ZNF649: variants seen among roughly 807,000 people sequenced by gnomAD.
ZNF649 encodes the protein zinc finger protein 649.
ZNF649 carries 7 observed loss-of-function variants against 14.1 expected under a neutral mutation model. The observed-to-expected ratio is 0.49, with a 90% CI of 0.28 to 0.93. The LOEUF (loss-of-function observed/expected upper bound fraction) is 0.93. Among genes scored for constraint, ZNF649 ranks in the 40% least tolerant of loss-of-function variants. The probability of loss-of-function intolerance (pLI) is 0.10; values close to 1 mark genes in which losing one functional copy is unlikely to be tolerated. For synonymous variants in ZNF649, 227 were observed against 212.3 expected (o/e 1.07, Z -0.60); for missense variants, 544 against 608.1 (o/e 0.89, Z 1.11).
chr19:51,891,641 G>A lies in ZNF649; in HGVS notation c.495C>T (p.Phe165=). 1 of 1,614,222 alleles carries A rather than the reference G, an allele frequency of 6.2e-7. No homozygotes were observed. The highest frequency in any genetic ancestry group is 8.5e-7 in the Non-Finnish European group (1 of 1,180,044). ...SRKPISTKSQ[F]LKHQQTHNIE... ...TGTTGTGTGTTTGCTGATGTTTAAG[G>A]AATTGTGACTTGGTGCTGATGGGTT... The change falls in exon 5 of 5, where the codon TTC becomes TTT. Residue 165 remains phenylalanine (F), a synonymous_variant. Coordinates refer to ENST00000354957, the MANE Select transcript of ZNF649 (RefSeq NM_023074.4). The surrounding 1 kb of genome is among the most constrained non-coding windows in gnomAD (Gnocchi z 4.2).
chr19:51,898,453 C>T (rs2085076710), intron 2 of ZNF649, among the ~76,000 whole-genome samples: 3 of 152,136 alleles, frequency 2.0e-5, no homozygotes, highest in Admixed American at 1.3e-4. Context: ...ATACAAATGA[C>T]AGCCAGGTAA....
At chr19:51,902,428 G>C (rs116644247) in intron 1 of ZNF649, among the ~76,000 whole-genome samples, 7 of 152,114 alleles carry the variant, frequency 4.6e-5, no homozygotes, top group South Asian at 2.1e-4. Context: ...GGATTCACAC[G>C]GCCTCCTCCT....
At position 51,891,764 on chromosome 19, in the gene ZNF649, G is replaced by T. The variant is rs746258703; in HGVS notation, c.372C>A (p.Tyr124Ter). 1.2e-6 allele frequency: 2 copies of T among 1,614,066 alleles called. No individual in the cohort carries two copies. Among genetic ancestry groups the T allele is most frequent in the Non-Finnish European group, 1.7e-6 (2 of 1,180,010 alleles). The change falls in exon 5 of 5, where the codon TAC becomes TAA. Residue 124 changes from tyrosine to a stop codon, truncating the protein, a stop_gained. Coordinates refer to ENST00000354957, the MANE Select transcript of ZNF649 (RefSeq NM_023074.4). LOFTEE classifies it low-confidence loss of function (END_TRUNC). The surrounding 1 kb of genome is among the most constrained non-coding windows in gnomAD (Gnocchi z 4.2). ...YLGLTNQSRR[Y>*]NRKEPAEFNG... ...TAAACTCAGCAGGCTCCTTTCTGTT[G>T]TATCTTCTGCTCTGGTTGGTTAAAC...
Position 51,890,742 on chromosome 19 carries a change from T to A in ZNF649, c.1394A>T (p.Asn465Ile). 1 of 1,614,200 alleles carries A rather than the reference T, an allele frequency of 6.2e-7. No individual in the cohort carries two copies. Among genetic ancestry groups the A allele is most frequent in the Non-Finnish European group, 8.5e-7 (1 of 1,180,036 alleles). The change falls in exon 5 of 5, where the codon AAT becomes ATT. Residue 465 changes from asparagine to isoleucine, a missense_variant. Coordinates refer to ENST00000354957, the MANE Select transcript of ZNF649 (RefSeq NM_023074.4). ...EKRGDSVKVENPSTASHSLSP... is the reference protein window; with the variant it reads ...EKRGDSVKVEIPSTASHSLSP... ...TAAGCTGTGACTTGCTGTGGAAGGA[T>A]TTTCCACCTTCACTGAATCCCCCCG...
chr19:51,899,570 C>T (rs1196776292), intron 2 of ZNF649, among the ~76,000 whole-genome samples: 1 of 152,208 alleles, frequency 6.6e-6, no homozygotes, highest in Non-Finnish European at 1.5e-5. Flanking sequence ...TTAAACCCTT[C>T]TTGGTATAGT....
Position 51,891,099 on chromosome 19 carries a change from TA to T in ZNF649, c.1036del (p.Tyr346MetfsTer17). On this transcript the variant is annotated frameshift_variant, in exon 5 of 5. Coordinates refer to ENST00000354957, the MANE Select transcript of ZNF649 (RefSeq NM_023074.4). LOFTEE classifies it low-confidence loss of function (END_TRUNC). The surrounding 1 kb of genome is among the most constrained non-coding windows in gnomAD (Gnocchi z 4.2). ...GGCCTTGCCACAGTCAATGCATCCA[TA>T]AGGTTTCTCTCCAGTGTGAGTTCGT... The part of the protein sequence containing the change: ...HQRTHTGEKP[Y>X]GCIDCGKAFS... 6.2e-7 allele frequency: 1 copy of T among 1,614,222 alleles called. No individual in the cohort carries two copies. The highest frequency in any genetic ancestry group is 8.5e-7 in the Non-Finnish European group (1 of 1,180,032).
At chr19:51,892,303 G>A (rs2085029138) in intron 4 of ZNF649, among the ~76,000 whole-genome samples, 1 of 151,380 alleles carries the variant, frequency 6.6e-6, no homozygotes, top group African/African-American at 2.4e-5. Context: ...TTGAACCTGG[G>A]AGACAGAGGT....
chr19:51,896,592 CTT>C (rs1368082456), intron 3 of ZNF649, 25 bp from the exon 4 acceptor site: 1 of 1,610,298 alleles, frequency 6.2e-7, no homozygotes, highest in Non-Finnish European at 8.5e-7. Flanking sequence ...TGGGAGAAGA[CTT>C]AGGCTCACTG....
Position 51,900,130 on chromosome 19 carries a change from C to A in ZNF649, c.-23G>T, listed in dbSNP as rs2085086699. 2 of 1,494,042 alleles carry A rather than the reference C, an allele frequency of 1.3e-6. No homozygotes were observed. Among genetic ancestry groups the A allele is most frequent in the South Asian group, 1.5e-5 (1 of 67,694 alleles). The allele number at this position is 1,494,042 out of a possible 1,614,324, so 92.5% of individuals were successfully genotyped here. A position where few individuals can be genotyped will look rare whatever the true frequency, so the allele number is the denominator to read the frequency against. On this transcript the variant is annotated 5_prime_UTR_variant, in exon 2 of 5. Transcript: ENST00000354957. ...CATTTTCTTCTGTTTCAGGAAATAC[C>A]CAAGAACTGGGATGCTTCGTCTTTG...
At chr19:51,902,916 G>T (rs76254803) in intron 1 of ZNF649, among the ~76,000 whole-genome samples, 13,339 of 152,034 alleles carry the variant, frequency 0.088, 1,836 homozygotes, top group African/African-American at 0.29. Context: ...GTTTCCCAAG[G>T]CGACCTACTA....
In ZNF649 at chr19:51,891,814, C is replaced by T. The variant is rs776602593; in HGVS notation, c.322G>A (p.Gly108Arg). 2.5e-6 allele frequency: 4 copies of T among 1,613,228 alleles called. No individual in the cohort carries two copies. The highest frequency in any genetic ancestry group is 1.1e-5 in the South Asian group (1 of 90,904). The change falls in exon 5 of 5, where the codon GGA (glycine) becomes AGA (arginine). Residue 108 changes from glycine (G) to arginine (R), a missense_variant. Gly to Arg is a moderately radical substitution (Grantham distance 125, BLOSUM62 -2). Transcript: ENST00000354957. This position sits in a 1 kb window ranked among gnomAD's most constrained non-coding sequence, Gnocchi z 4.2. ...CCTAAATATGATTTCAAAGTTCTTC[C>T]GTGTTCATAGCGTTGTCCCGTCCTC... ...LKRTGQRYEHGRTLKSYLGLT... is the reference protein window; with the variant it reads ...LKRTGQRYEHRRTLKSYLGLT...
intron 4 of ZNF649, among the ~76,000 whole-genome samples, 157 bp from the exon 5 acceptor site, chr19:51,892,054 T>G (rs1371620559): frequency 6.6e-6 from 1 of 152,154 alleles, no homozygotes; most frequent in Non-Finnish European, 1.5e-5. Context: ...AAAAAAACTT[T>G]TAAGAATTGT....
chr19:51,895,337 T>G (rs1031611958), intron 4 of ZNF649, among the ~76,000 whole-genome samples: 3 of 152,150 alleles, frequency 2.0e-5, no homozygotes, highest in Non-Finnish European at 4.4e-5. Context: ...TTTGTTTTTT[T>G]GTTTTTCGTT....
chr19:51,896,578 G>T lies in ZNF649; in HGVS notation c.143-11C>A. 6.2e-7 allele frequency: 1 copy of T among 1,613,768 alleles called. No homozygotes were observed. Among genetic ancestry groups the T allele is most frequent in the African/African-American group, 1.3e-5 (1 of 75,042 alleles). On this transcript the variant is annotated splice_polypyrimidine_tract_variant and intron_variant, in intron 3 of 4. Transcript: ENST00000354957. ...TGCCGGCTTGATACCCTGTTTGTGG[G>T]AAATGGGAGAAGACTTAGGCTCACT...
chr19:51,896,416 A>G (rs1471058973), intron 4 of ZNF649, 56 bp downstream of exon 4: 1 of 1,504,296 alleles, frequency 6.6e-7, no homozygotes, highest in Non-Finnish European at 9.3e-7. Flanking sequence ...CCTTCTCTAA[A>G]TGACCAGAAT....
chr19:51,893,264 T>C (rs539171233), intron 4 of ZNF649, among the ~76,000 whole-genome samples: 1 of 152,316 alleles, frequency 6.6e-6, no homozygotes, highest in African/African-American at 2.4e-5. Flanking sequence ...GTTACATATA[T>C]GTTTGCTCAC....
chr19:51,892,575 T>C (rs917880562), intron 4 of ZNF649, among the ~76,000 whole-genome samples: 7 of 152,010 alleles, frequency 4.6e-5, no homozygotes, highest in Admixed American at 2.6e-4. Context: ...CAGACATAGG[T>C]AGTAGAATAA....
chr19:51,904,841 C>A, intron 1 of ZNF649, 73 bp downstream of exon 1: 1 of 153,088 alleles, frequency 6.5e-6, no homozygotes. Flanking sequence ...CCCAGGCCGC[C>A]AGCTCTCCCC....
At chr19:51,904,274 C>G (rs182230919) in intron 1 of ZNF649, 3 of 152,312 alleles carry the variant, frequency 2.0e-5, no homozygotes, top group South Asian at 4.1e-4. Flanking sequence ...TTCAATTTTT[C>G]TTTTATCACT....
Sources: allele counts gnomAD v4.1 joint callset (sites outside exome capture counted in the v4.1 genomes callset), GRCh38; gene constraint gnomAD v4.1.1; non-coding constraint Gnocchi (gnomAD v3.1); transcripts MANE v1.5; gene names NCBI Gene and HGNC (gene_info 2026-07-23, HGNC 2026-07-21).